The following CPD variants were observed in gnomAD, a reference collection of about 807,000 sequenced individuals.
CPD encodes metallocarboxypeptidase D.
A neutral mutation model predicts 138.3 loss-of-function variants in CPD; 69 were observed. The ratio of observed to expected loss-of-function variants is 0.50; its 90% CI spans 0.41 to 0.61. The LOEUF is 0.61. Among genes scored for constraint, CPD ranks in the 20% least tolerant of loss-of-function variants. The pLI is 0.00. For missense variants in CPD, 1,432 were observed against 1,733.3 expected, an observed-to-expected ratio of 0.83 and a Z score of 3.09; for synonymous variants, 651 against 642.1, an observed-to-expected ratio of 1.01 and a Z score of -0.21.
At chr17:30,438,865 C>A in intron 8 of CPD, 110 bp from the exon 9 acceptor site, 1 of 608,654 alleles carries the variant, frequency 1.6e-6, no homozygotes, top group East Asian at 3.2e-5. Context: ...ACCTCCACCC[C>A]TCACATACCC....
rs569008771 is a variant in CPD, at chr17:30,458,955, G to A, written c.3499-2225G>A. 4.6e-5 allele frequency among the ~76,000 whole-genome samples: 7 copies of A among 151,542 alleles called. No individual in the cohort carries two copies. In the East Asian group the frequency reaches 1.4e-3, roughly 29 times the overall value. On this transcript the variant is annotated intron_variant, in intron 17 of 20. Coordinates refer to ENST00000225719, the MANE Select transcript of CPD (RefSeq NM_001304.5). Reference sequence around the variant, plus strand: ...AGTTTATTTTTTATGGTATGAAGTAGGAGTTCAACTTCGTTTGTTTGTATG... The same window carrying A: ...AGTTTATTTTTTATGGTATGAAGTAAGAGTTCAACTTCGTTTGTTTGTATG...
At chr17:30,462,223 A>T (rs1184801208) in intron 19 of CPD, 147 bp from the exon 20 acceptor site, 2 of 1,069,368 alleles carry the variant, frequency 1.9e-6, no homozygotes. Flanking sequence ...CCCCTTGCTA[A>T]CAAAAGGGAA....
chr17:30,458,332 A>C (rs757084992), intron 17 of CPD, among the ~76,000 whole-genome samples: 1 of 152,150 alleles, frequency 6.6e-6, no homozygotes, highest in Non-Finnish European at 1.5e-5. Flanking sequence ...ATGTCCTTTG[A>C]TACATGAGTT....
chr17:30,420,537 G>A (rs974289210), intron 2 of CPD, among the ~76,000 whole-genome samples: 4 of 152,150 alleles, frequency 2.6e-5, no homozygotes, highest in African/African-American at 9.7e-5. Flanking sequence ...CTGGTGTATA[G>A]TAAACACACA....
Position 30,445,867 on chromosome 17 carries a change from A to G in CPD, c.2720A>G (p.Lys907Arg). 6.2e-7 allele frequency: 1 copy of G among 1,614,170 alleles called. No individual in the cohort carries two copies. ...ACTAAAGAGTTTGAAACTTTAATTA[A>G]AGACCTTTCAGCGGAGAATGGTTTG... ...PTTKEFETLI[K>R]DLSAENGLES... The change falls in exon 12 of 21, where the codon AAA becomes AGA. Residue 907 changes from lysine to arginine, a missense_variant. Transcript: ENST00000225719.
intron 2 of CPD, among the ~76,000 whole-genome samples, chr17:30,386,851 C>T (rs1447407493): frequency 6.6e-6 from 1 of 152,066 alleles, no homozygotes; most frequent in Non-Finnish European, 1.5e-5. Flanking sequence ...TTTTGTTTAT[C>T]CATCTATTGA....
intron 2 of CPD, among the ~76,000 whole-genome samples, chr17:30,418,992 A>G (rs1266564304): frequency 6.6e-6 from 1 of 152,208 alleles, no homozygotes; most frequent in Non-Finnish European, 1.5e-5. Context: ...TTGTCTTACC[A>G]ATATCTATCC....
intron 6 of CPD, among the ~76,000 whole-genome samples, chr17:30,424,215 A>G (rs184371154): frequency 1.2e-4 from 19 of 152,328 alleles, no homozygotes; most frequent in Non-Finnish European, 2.2e-4. Flanking sequence ...TTTATTATCA[A>G]TCGAAAGGAA....
intron 12 of CPD, among the ~76,000 whole-genome samples, chr17:30,447,266 A>T (rs369914809): frequency 1.3e-5 from 2 of 152,148 alleles, no homozygotes; most frequent in African/African-American, 4.8e-5. Flanking sequence ...TATGTCCTGA[A>T]TGGTATTGCC....
chr17:30,380,298 A>G (rs1911006253), intron 1 of CPD: 1 of 206,434 alleles, frequency 4.8e-6, no homozygotes, highest in Non-Finnish European at 9.4e-6. Flanking sequence ...CCACGGAGGG[A>G]CACTGGAGCC....
At chr17:30,404,017 A>G (rs1911742771) in intron 2 of CPD, among the ~76,000 whole-genome samples, 1 of 152,288 alleles carries the variant, frequency 6.6e-6, no homozygotes, top group East Asian at 1.9e-4. Flanking sequence ...AAAAGGCTAT[A>G]TACTATATGA....
At chr17:30,423,206 C>T (rs1361862506) in intron 5 of CPD, among the ~76,000 whole-genome samples, 183 bp downstream of exon 5, 1 of 152,024 alleles carries the variant, frequency 6.6e-6, no homozygotes, top group Non-Finnish European at 1.5e-5. Flanking sequence ...AGAAGGAAAT[C>T]CTTTTGCTAA....
intron 6 of CPD, among the ~76,000 whole-genome samples, chr17:30,424,680 C>T (rs1912355291): frequency 6.6e-6 from 1 of 152,224 alleles, no homozygotes. Flanking sequence ...AATTTATTGA[C>T]TTCTCATTTC....
Position 30,431,863 on chromosome 17 carries a change from A to T in CPD, c.2109A>T (p.Ile703=). The part of the protein sequence containing the change: ...KSPDDAVFQQ[I]ALSYSKENSQ... Reference sequence around the variant, plus strand: ...CAGATGATGCTGTGTTCCAACAAATAGCACTTTCTTATTCCAAGGTAGGCT... The same window carrying T: ...CAGATGATGCTGTGTTCCAACAAATTGCACTTTCTTATTCCAAGGTAGGCT... The change falls in exon 8 of 21, where the codon ATA becomes ATT. Residue 703 remains isoleucine, a synonymous_variant. Coordinates refer to ENST00000225719, the MANE Select transcript of CPD (RefSeq NM_001304.5). 6.2e-7 allele frequency: 1 copy of T among 1,604,632 alleles called. No individual in the cohort carries two copies.
chr17:30,421,149 A>C (rs1268877244), intron 3 of CPD, among the ~76,000 whole-genome samples, 166 bp downstream of exon 3: 1 of 152,180 alleles, frequency 6.6e-6, no homozygotes, highest in Admixed American at 6.5e-5. Flanking sequence ...TAATCTATTA[A>C]AACATATTCT....
chr17:30,439,394 C>CTTTTTTTTTTTTTTTTTTTT (rs71138889), intron 9 of CPD, among the ~76,000 whole-genome samples: 61 of 124,612 alleles, frequency 4.9e-4, no homozygotes, highest in East Asian at 1.2e-3. Flanking sequence ...ACGTTACTTT[C>CTTTTTTTTTTTTTTTTTTTT]TTTTTTTTTT....
At chr17:30,415,417 A>G (rs567667573) in intron 2 of CPD, among the ~76,000 whole-genome samples, 1 of 152,186 alleles carries the variant, frequency 6.6e-6, no homozygotes, top group Admixed American at 6.5e-5. Context: ...TCACTGTGAA[A>G]TATTGTCCAA....
chr17:30,463,346 AGAGGGAGGAATCTACC>A (rs1913545113), intron 20 of CPD, among the ~76,000 whole-genome samples: 1 of 152,208 alleles, frequency 6.6e-6, no homozygotes, highest in Non-Finnish European at 1.5e-5. Context: ...AAGTTCTGAG[AGAGGGAGGAATCTACC>A]TGTATCCTCC....
intron 18 of CPD, among the ~76,000 whole-genome samples, 166 bp from the exon 19 acceptor site, chr17:30,461,711 G>A (rs539121887): frequency 1.3e-5 from 2 of 152,316 alleles, no homozygotes; most frequent in Admixed American, 1.3e-4. Flanking sequence ...GTCAGAGTCA[G>A]TGGGGAGGGA....
Sources: allele counts gnomAD v4.1 joint callset (sites outside exome capture counted in the v4.1 genomes callset), GRCh38; gene constraint gnomAD v4.1.1; transcripts MANE v1.5; gene names NCBI Gene and HGNC (gene_info 2026-07-23, HGNC 2026-07-21).